TEAD1: variants seen among roughly 807,000 people sequenced by gnomAD.
TEAD1 encodes the protein TEA domain transcription factor 1, also known as transcriptional enhancer factor TEF-1.
Under a neutral mutation model 54.9 loss-of-function variants are expected in TEAD1, and 9 were observed. The ratio of observed to expected loss-of-function variants is 0.16; its 90% CI spans 0.10 to 0.29. The LOEUF is 0.29. Among genes scored for constraint, TEAD1 ranks in the 10% least tolerant of loss-of-function variants. TEAD1 has a pLI of 1.00. For missense variants in TEAD1, 387 were observed against 535.9 expected, an observed-to-expected ratio of 0.72 and a Z score of 2.74; for synonymous variants, 200 against 187.8, an observed-to-expected ratio of 1.07 and a Z score of -0.53.
chr11:12,839,788 T>C (rs1204641880), intron 3 of TEAD1, among the ~76,000 whole-genome samples: 10 of 152,014 alleles, frequency 6.6e-5, no homozygotes, highest in African/African-American at 2.4e-4. Context: ...GCAACAAGAG[T>C]TGGCATTCTA....
chr11:12,746,432 C>T (rs1944746117), intron 2 of TEAD1, among the ~76,000 whole-genome samples: 1 of 152,032 alleles, frequency 6.6e-6, no homozygotes, highest in African/African-American at 2.4e-5. Context: ...ATTAAATAAG[C>T]AAACTAAAGA....
intron 10 of TEAD1, among the ~76,000 whole-genome samples, chr11:12,921,919 A>G (rs950805450): frequency 6.6e-6 from 1 of 152,170 alleles, no homozygotes; most frequent in Non-Finnish European, 1.5e-5. Flanking sequence ...TGTGAGAAAA[A>G]TGCACACCTG....
At chr11:12,822,205 G>A (rs551747185) in intron 3 of TEAD1, among the ~76,000 whole-genome samples, 3 of 151,928 alleles carry the variant, frequency 2.0e-5, no homozygotes, top group East Asian at 3.9e-4. Flanking sequence ...CCCATTATCC[G>A]CCCGCCTCGG....
chr11:12,797,482 C>G (rs925132630), intron 3 of TEAD1, among the ~76,000 whole-genome samples: 24 of 152,126 alleles, frequency 1.6e-4, no homozygotes, highest in Non-Finnish European at 3.1e-4. Flanking sequence ...TTTGTACCCC[C>G]TGGTGTGCCA....
At chr11:12,869,411 T>C (rs1767460424) in intron 5 of TEAD1, among the ~76,000 whole-genome samples, 1 of 152,206 alleles carries the variant, frequency 6.6e-6, no homozygotes, top group Admixed American at 6.5e-5. Context: ...CTGTAGTCTT[T>C]CCTACTCATT....
intron 2 of TEAD1, among the ~76,000 whole-genome samples, chr11:12,759,295 T>C (rs898064350): frequency 4.6e-5 from 7 of 151,276 alleles, no homozygotes; most frequent in African/African-American, 1.7e-4. Flanking sequence ...CCCCCAGGCT[T>C]TTATAATAAA....
chr11:12,786,036 T>C (rs1484811368), intron 3 of TEAD1, among the ~76,000 whole-genome samples: 1 of 152,108 alleles, frequency 6.6e-6, no homozygotes, highest in Non-Finnish European at 1.5e-5. Flanking sequence ...TCTTCTGCCT[T>C]GGAGGTGGAG....
intron 2 of TEAD1, among the ~76,000 whole-genome samples, chr11:12,742,237 C>T (rs1944663197): frequency 6.6e-6 from 1 of 152,202 alleles, no homozygotes; most frequent in Admixed American, 6.5e-5. Flanking sequence ...TCACCTTGAC[C>T]ACTGACTAGT....
chr11:12,827,723 T>C (rs995865909), intron 3 of TEAD1, among the ~76,000 whole-genome samples: 2 of 152,192 alleles, frequency 1.3e-5, no homozygotes, highest in Non-Finnish European at 2.9e-5. Context: ...TCTCCTATTA[T>C]CACATTTGCA....
chr11:12,705,237 C>A (rs983296697), intron 2 of TEAD1, among the ~76,000 whole-genome samples: 6 of 152,212 alleles, frequency 3.9e-5, no homozygotes, highest in African/African-American at 1.4e-4. Context: ...GGTACCATCT[C>A]CCATTTTTCC....
chr11:12,840,272 A>AAAAAAAAAAAT (rs1947004560), intron 3 of TEAD1, among the ~76,000 whole-genome samples: 1 of 131,300 alleles, frequency 7.6e-6, no homozygotes, highest in Non-Finnish European at 1.7e-5. Context: ...AGAAAAAAAA[A>AAAAAAAAAAAT]AGACCAGAAA....
intron 3 of TEAD1, among the ~76,000 whole-genome samples, chr11:12,815,676 G>A (rs1946400029): frequency 6.6e-6 from 1 of 152,234 alleles, no homozygotes; most frequent in South Asian, 2.1e-4. Flanking sequence ...CTGGGCAGAA[G>A]TATAGAAATT....
intron 2 of TEAD1, among the ~76,000 whole-genome samples, chr11:12,715,804 A>G (rs1944047669): frequency 6.6e-6 from 1 of 152,130 alleles, no homozygotes; most frequent in African/African-American, 2.4e-5. Context: ...ATTTATACTA[A>G]TAAATTAATT....
In TEAD1 at chr11:12,942,622, T is replaced by G. The variant is rs779025225; in HGVS notation, c.*5400T>G. Reference sequence around the variant, plus strand: ...TCGTGTTCAGTCTCTGTGGAGACTTTCTTTTCCATTCAAATGACAGTGCGC... The same window carrying G: ...TCGTGTTCAGTCTCTGTGGAGACTTGCTTTTCCATTCAAATGACAGTGCGC... On this transcript the variant is annotated 3_prime_UTR_variant, in exon 13 of 13. Coordinates refer to ENST00000527636, the MANE Select transcript of TEAD1 (RefSeq NM_021961.6). 6.6e-6 allele frequency: 1 copy of G among 152,252 alleles called. No homozygotes were observed. Among genetic ancestry groups the G allele is most frequent in the African/African-American group, 2.4e-5 (1 of 41,464 alleles). 9.4% of individuals were successfully genotyped at this position (152,252 alleles called of 1,614,324 possible).
intron 2 of TEAD1, among the ~76,000 whole-genome samples, chr11:12,741,917 T>A (rs868629347): frequency 6.6e-6 from 1 of 152,210 alleles, no homozygotes; most frequent in Non-Finnish European, 1.5e-5. Flanking sequence ...AGAAAAATCA[T>A]GTGGCTGTCT....
intron 3 of TEAD1, among the ~76,000 whole-genome samples, chr11:12,820,841 G>A (rs1424762376): frequency 7.9e-5 from 12 of 152,228 alleles, no homozygotes; most frequent in Middle Eastern, 3.4e-3. Flanking sequence ...AAATCAAAGC[G>A]AACAATTTTA....
chr11:12,880,172 G>A (rs1008643052), intron 6 of TEAD1, among the ~76,000 whole-genome samples: 9 of 152,142 alleles, frequency 5.9e-5, no homozygotes, highest in Non-Finnish European at 1.2e-4. Context: ...GGGCTCAGGC[G>A]TCTTCTCTCT....
chr11:12,900,417 T>C (rs2134126659), intron 9 of TEAD1, among the ~76,000 whole-genome samples: 1 of 152,332 alleles, frequency 6.6e-6, no homozygotes, highest in African/African-American at 2.4e-5. Flanking sequence ...AGAGGTCTTA[T>C]TAAAAGAATA....
chr11:12,674,760 G>A lies in TEAD1; in HGVS notation c.-282G>A, dbSNP rs1427805399. 2 of 151,116 alleles carry A rather than the reference G, an allele frequency of 1.3e-5. No individual in the cohort carries two copies. Among genetic ancestry groups the A allele is most frequent in the Admixed American group, 6.6e-5 (1 of 15,180 alleles). 9.4% of individuals were successfully genotyped at this position (151,116 alleles called of 1,614,324 possible). On this transcript the variant is annotated 5_prime_UTR_variant, in exon 1 of 13. Coordinates refer to ENST00000527636, the MANE Select transcript of TEAD1 (RefSeq NM_021961.6). ...GGAGCCGGGGAGGGAGCCGGGCACC[G>A]AGCAGAGGGCGGGGGAAGCGGCGCC...
Sources: allele counts gnomAD v4.1 joint callset (sites outside exome capture counted in the v4.1 genomes callset), GRCh38; gene constraint gnomAD v4.1.1; transcripts MANE v1.5; gene names NCBI Gene and HGNC (gene_info 2026-07-23, HGNC 2026-07-21).